METTL15: variants seen among roughly 807,000 people sequenced by gnomAD.
METTL15 encodes 12S rRNA N(4)-cytidine methyltransferase METTL15.
In METTL15, 34 loss-of-function variants were observed where a neutral mutation model predicts 38.3. The ratio of observed to expected loss-of-function variants is 0.89; its 90% confidence interval spans 0.68 to 1.18. The LOEUF is 1.18. METTL15 is among the 50% of genes most tolerant of loss of function. The probability of loss-of-function intolerance (pLI) is 0.00; values close to 1 mark genes in which losing one functional copy is unlikely to be tolerated. For synonymous variants in METTL15, 162 were observed against 170.9 expected (o/e 0.95, Z 0.41); for missense variants, 438 against 498.4 (o/e 0.88, Z 1.15).
chr11:28,200,468 G>T (rs1214030076), intron 3 of METTL15, among the ~76,000 whole-genome samples: 1 of 152,048 alleles, frequency 6.6e-6, no homozygotes, highest in Admixed American at 6.6e-5. Flanking sequence ...ATACATAGTC[G>T]TTATTATTAC....
At chr11:28,523,275 C>A (rs574130686) in intron 6 of METTL15, among the ~76,000 whole-genome samples, 9 of 152,268 alleles carry the variant, frequency 5.9e-5, no homozygotes, top group African/African-American at 2.2e-4. Context: ...TTGGATACAA[C>A]AATATAATTG....
At chr11:28,260,635 G>T (rs1160901674) in intron 4 of METTL15, among the ~76,000 whole-genome samples, 2 of 152,148 alleles carry the variant, frequency 1.3e-5, no homozygotes, top group East Asian at 3.8e-4. Flanking sequence ...CTCTACAGTT[G>T]AGCAGATAAA....
At chr11:28,195,862 A>C (rs889527848) in intron 3 of METTL15, among the ~76,000 whole-genome samples, 7 of 152,004 alleles carry the variant, frequency 4.6e-5, no homozygotes, top group Non-Finnish European at 7.4e-5. Flanking sequence ...TTAAGTCTTC[A>C]GTCTGTCTTG....
At chr11:28,357,914 G>A (rs567291268) in intron 4 of METTL15, among the ~76,000 whole-genome samples, 1 of 152,094 alleles carries the variant, frequency 6.6e-6, no homozygotes, top group African/African-American at 2.4e-5. Flanking sequence ...AAGTGTTATT[G>A]GCAGAATTTG....
intron 4 of METTL15, among the ~76,000 whole-genome samples, chr11:28,259,747 T>G: frequency 6.6e-6 from 1 of 152,206 alleles, no homozygotes. Context: ...AAGGCTGTTT[T>G]TCCTACCTCC....
At chr11:28,123,968 G>T in intron 3 of METTL15, 1 of 1,006,318 alleles carries the variant, frequency 9.9e-7, no homozygotes, top group South Asian at 2.6e-5. Context: ...ACAACATAGA[G>T]TTGTATAAGA....
At chr11:28,518,012 C>A (rs10501100) in intron 6 of METTL15, among the ~76,000 whole-genome samples, 1 of 151,952 alleles carries the variant, frequency 6.6e-6, no homozygotes, top group African/African-American at 2.4e-5. Flanking sequence ...GTGCTGGGTT[C>A]AAAAGCAAAC....
At chr11:28,220,654 C>G (rs1005416112) in intron 4 of METTL15, among the ~76,000 whole-genome samples, 1 of 152,108 alleles carries the variant, frequency 6.6e-6, no homozygotes, top group Non-Finnish European at 1.5e-5. Context: ...TTCTTCCTAG[C>G]CTCGATGGTC....
intron 3 of METTL15, among the ~76,000 whole-genome samples, chr11:28,114,065 C>T (rs149432032): frequency 2.6e-5 from 4 of 152,224 alleles, no homozygotes; most frequent in Non-Finnish European, 5.9e-5. Context: ...AGCTTATGAC[C>T]ACTGTTTAAT....
chr11:28,299,453 A>G (rs1030674404), intron 6 of METTL15, among the ~76,000 whole-genome samples: 3 of 152,066 alleles, frequency 2.0e-5, no homozygotes, highest in Non-Finnish European at 4.4e-5. Flanking sequence ...TTTTGCATTC[A>G]TATTTCATCA....
intron 3 of METTL15, among the ~76,000 whole-genome samples, chr11:28,175,034 T>C (rs959947257): frequency 3.3e-5 from 5 of 152,052 alleles, no homozygotes; most frequent in African/African-American, 1.2e-4. Context: ...GCCATGTTGG[T>C]GTGCTGCACC....
chr11:28,420,964 C>A (rs981857058), intron 5 of METTL15, among the ~76,000 whole-genome samples: 4 of 151,546 alleles, frequency 2.6e-5, no homozygotes, highest in Admixed American at 6.6e-5. Context: ...ACCTTTTAGC[C>A]AGATTAGCTA....
chr11:28,244,154 T>C (rs1854418079), intron 4 of METTL15, among the ~76,000 whole-genome samples: 1 of 152,174 alleles, frequency 6.6e-6, no homozygotes, highest in South Asian at 2.1e-4. Context: ...AAGGGAATTA[T>C]TTGTGCAGAA....
chr11:28,315,176 A>T (rs1386545278), intron 6 of METTL15, among the ~76,000 whole-genome samples: 1 of 152,174 alleles, frequency 6.6e-6, no homozygotes. Context: ...AAGACAGGAA[A>T]ATGTGGGAAA....
intron 6 of METTL15, among the ~76,000 whole-genome samples, chr11:28,491,587 G>A (rs1851495053): frequency 6.6e-6 from 1 of 152,026 alleles, no homozygotes; most frequent in African/African-American, 2.4e-5. Flanking sequence ...AATATGGCAG[G>A]TCACTCTTGT....
chr11:28,364,592 A>C (rs1372655250), intron 5 of METTL15, among the ~76,000 whole-genome samples: 3 of 152,148 alleles, frequency 2.0e-5, no homozygotes, highest in African/African-American at 4.8e-5. Flanking sequence ...CAGAGTCTTT[A>C]GGATTTTCTA....
At chr11:28,467,640 G>T (rs1296161245) in intron 6 of METTL15, among the ~76,000 whole-genome samples, 1 of 152,072 alleles carries the variant, frequency 6.6e-6, no homozygotes, top group African/African-American at 2.4e-5. Flanking sequence ...CTTGGATTTG[G>T]CTTCACCCAC....
chr11:28,339,805 G>A (rs1849934157), intron 3 of METTL15, among the ~76,000 whole-genome samples: 2 of 152,046 alleles, frequency 1.3e-5, no homozygotes, highest in South Asian at 4.2e-4. Context: ...AAAGGAAAGA[G>A]GCATTCTCAA....
chr11:28,236,898 ATTCTT>A (rs1854010571), intron 4 of METTL15, among the ~76,000 whole-genome samples: 1 of 152,270 alleles, frequency 6.6e-6, no homozygotes, highest in Admixed American at 6.5e-5. Context: ...TGGGTTGAAA[ATTCTT>A]TTCTTTAAGA....
Sources: gnomAD v4.1 joint callset for allele counts (sites outside exome capture counted in the v4.1 genomes callset) on GRCh38, gnomAD v4.1.1 for gene constraint, MANE v1.5 for transcripts, NCBI Gene and HGNC (gene_info 2026-07-23, HGNC 2026-07-21) for gene names.